OR9Q1: variants seen among roughly 807,000 people sequenced by gnomAD.
OR9Q1 encodes the protein olfactory receptor family 9 subfamily Q member 1.
For synonymous variants in OR9Q1, 153 were observed against 148.6 expected (o/e 1.03, Z -0.22); for missense variants, 374 against 378.8 (o/e 0.99, Z 0.11).
chr11:58,161,765 C>T (rs907319051), intron 2 of OR9Q1, among the ~76,000 whole-genome samples: 1 of 152,182 alleles, frequency 6.6e-6, no homozygotes, highest in Non-Finnish European at 1.5e-5. Context: ...CTCCCGGCCT[C>T]AGGTGATCCT....
chr11:58,076,681 C>T (rs1225952531), intron 2 of OR9Q1, among the ~76,000 whole-genome samples: 1 of 152,092 alleles, frequency 6.6e-6, no homozygotes, highest in Admixed American at 6.5e-5. Context: ...GAGACGAGGT[C>T]TCACTTTATT....
intron 2 of OR9Q1, among the ~76,000 whole-genome samples, chr11:58,175,156 A>G (rs1161835794): frequency 1.3e-5 from 2 of 151,530 alleles, no homozygotes; most frequent in Non-Finnish European, 2.9e-5. Flanking sequence ...GCACAACAAT[A>G]TATAAAAATT....
chr11:58,171,788 C>T (rs1015853921), intron 2 of OR9Q1: 1 of 152,202 alleles, frequency 6.6e-6, no homozygotes, highest in Non-Finnish European at 1.5e-5. Context: ...TCTGGGCTCT[C>T]ATTATCATTT....
intron 2 of OR9Q1, among the ~76,000 whole-genome samples, chr11:58,068,437 G>T (rs2120012864): frequency 6.6e-6 from 1 of 152,154 alleles, no homozygotes; most frequent in African/African-American, 2.4e-5. Flanking sequence ...AAATTCCTCT[G>T]TTACACAGCA....
At chr11:58,161,371 CAGAG>C (rs924897585) in intron 2 of OR9Q1, among the ~76,000 whole-genome samples, 13 of 151,272 alleles carry the variant, frequency 8.6e-5, no homozygotes, top group East Asian at 1.9e-4. Context: ...CAGAAAGAGA[CAGAG>C]AGAGAGAGAA....
intron 1 of OR9Q1, chr11:58,044,005 G>A (rs1853191985): frequency 6.6e-6 from 1 of 152,142 alleles, no homozygotes; most frequent in Admixed American, 6.6e-5. Flanking sequence ...TGACATCTTA[G>A]TAAAATAAAG....
intron 2 of OR9Q1, among the ~76,000 whole-genome samples, chr11:58,120,101 T>C (rs2120134416): frequency 6.6e-6 from 1 of 152,324 alleles, no homozygotes; most frequent in East Asian, 1.9e-4. Flanking sequence ...TAACAAAAAG[T>C]CTTTCTTTCT....
At chr11:58,128,195 T>C (rs1184450906) in intron 2 of OR9Q1, among the ~76,000 whole-genome samples, 1 of 132,184 alleles carries the variant, frequency 7.6e-6, no homozygotes, top group Non-Finnish European at 1.6e-5. Context: ...ATAGAAAAAA[T>C]ATTTCAATAT....
At chr11:58,099,552 G>T (rs1487585738) in intron 2 of OR9Q1, among the ~76,000 whole-genome samples, 1 of 151,952 alleles carries the variant, frequency 6.6e-6, no homozygotes, top group Non-Finnish European at 1.5e-5. Context: ...CTTAGTGTTT[G>T]TGTGGCATAT....
chr11:58,087,886 T>C (rs1001551033), intron 2 of OR9Q1, among the ~76,000 whole-genome samples: 23 of 151,942 alleles, frequency 1.5e-4, no homozygotes, highest in Admixed American at 1.2e-3. Context: ...ACAAAGGACA[T>C]GAAGTCATTC....
rs568789086 is a variant in OR9Q1, at chr11:58,087,033, G to T, written c.-15+31086G>T. On this transcript the variant is annotated intron_variant, in intron 2 of 2. Coordinates refer to ENST00000335397, the MANE Select transcript of OR9Q1 (RefSeq NM_001005212.4). The stretch of plus-strand genomic sequence containing the variant: ...CCACAAAGATGAAAAATATGTGAGG[G>T]AATGAATTTGTTCATTAGATTGGTT... Among the ~76,000 whole-genome samples, 5 of 151,666 alleles carry T rather than the reference G, an allele frequency of 3.3e-5. No homozygotes were observed. The East Asian group carries it at 7.7e-4, about 23-fold the overall frequency.
chr11:58,150,161 G>A (rs1415277707), intron 2 of OR9Q1, among the ~76,000 whole-genome samples: 1 of 152,070 alleles, frequency 6.6e-6, no homozygotes, highest in Non-Finnish European at 1.5e-5. Flanking sequence ...TATTCTAATG[G>A]GTATGAAATG....
At chr11:58,065,628 G>T (rs1296919587) in intron 2 of OR9Q1, among the ~76,000 whole-genome samples, 2 of 152,164 alleles carry the variant, frequency 1.3e-5, no homozygotes, top group Admixed American at 6.5e-5. Flanking sequence ...CCTTCTCTGT[G>T]AATGTGCCCA....
At chr11:58,174,001 A>C (rs1013806122) in intron 2 of OR9Q1, among the ~76,000 whole-genome samples, 1 of 152,166 alleles carries the variant, frequency 6.6e-6, no homozygotes, top group African/African-American at 2.4e-5. Context: ...GCTTAGGGTG[A>C]TGAAGAGTAT....
chr11:58,110,015 G>A (rs1352017257), intron 2 of OR9Q1, among the ~76,000 whole-genome samples: 2 of 152,152 alleles, frequency 1.3e-5, no homozygotes, highest in African/African-American at 2.4e-5. Flanking sequence ...TCTAGCTCAG[G>A]TGTGCATGAG....
chr11:58,094,405 G>A (rs116301394), intron 2 of OR9Q1, among the ~76,000 whole-genome samples: 1,711 of 152,166 alleles, frequency 0.011, 29 homozygotes, highest in African/African-American at 0.039. Flanking sequence ...TCCACATAAT[G>A]AAAATTACAC....
chr11:58,060,675 T>A (rs1380640905), intron 2 of OR9Q1, among the ~76,000 whole-genome samples: 3 of 152,204 alleles, frequency 2.0e-5, no homozygotes, highest in Non-Finnish European at 4.4e-5. Context: ...CTGTCTCTGC[T>A]AAAAGTACAA....
chr11:58,136,563 T>C (rs1854191030), intron 2 of OR9Q1, among the ~76,000 whole-genome samples: 1 of 152,186 alleles, frequency 6.6e-6, no homozygotes, highest in East Asian at 1.9e-4. Context: ...CACTAGGAAA[T>C]TGACTGGCGG....
chr11:58,088,138 G>A (rs978676054), intron 2 of OR9Q1, among the ~76,000 whole-genome samples: 16 of 151,712 alleles, frequency 1.1e-4, no homozygotes, highest in Admixed American at 1.1e-3. Context: ...ACCGCACCCG[G>A]CCTGACATGA....
Sources: allele counts gnomAD v4.1 joint callset (sites outside exome capture counted in the v4.1 genomes callset), GRCh38; gene constraint gnomAD v4.1.1; transcripts MANE v1.5; gene names NCBI Gene and HGNC (gene_info 2026-07-23, HGNC 2026-07-21).